SKAP2: variants seen among roughly 807,000 people sequenced by gnomAD.
SKAP2 encodes src kinase-associated phosphoprotein 2.
SKAP2 carries 28 observed loss-of-function variants against 54.9 expected under a neutral mutation model. The observed-to-expected ratio is 0.51, with a 90% CI of 0.38 to 0.70. The LOEUF is 0.70. Ranked by LOEUF, SKAP2 falls within the 30% of genes least tolerant of loss-of-function variation. The pLI is 0.00. For synonymous variants in SKAP2, 137 were observed against 134.3 expected, an observed-to-expected ratio of 1.02 and a Z score of -0.14; for missense variants, 356 against 424.1, an observed-to-expected ratio of 0.84 and a Z score of 1.41.
chr7:26,767,044 T>C (rs551231387), intron 4 of SKAP2, among the ~76,000 whole-genome samples: 1 of 152,232 alleles, frequency 6.6e-6, no homozygotes, highest in Non-Finnish European at 1.5e-5. Flanking sequence ...GAAGGAATAG[T>C]ACCAGCTCCT....
intron 4 of SKAP2, among the ~76,000 whole-genome samples, chr7:26,828,676 C>CA (rs61268985): frequency 0.27 from 26,865 of 99,744 alleles, 2,809 homozygotes; most frequent in Admixed American, 0.29. Flanking sequence ...GACTCTGTCT[C>CA]AAAAAAAAAA....
intron 9 of SKAP2, among the ~76,000 whole-genome samples, chr7:26,719,328 G>A (rs760605001): frequency 2.0e-5 from 3 of 152,252 alleles, no homozygotes; most frequent in East Asian, 1.9e-4. Flanking sequence ...AAGACTTCCC[G>A]TCTAACTCCA....
At chr7:26,782,397 C>G (rs373451087) in intron 4 of SKAP2, among the ~76,000 whole-genome samples, 1 of 152,124 alleles carries the variant, frequency 6.6e-6, no homozygotes, top group Non-Finnish European at 1.5e-5. Flanking sequence ...TTTGTTTTTA[C>G]CTTTAAAAAG....
At chr7:26,857,623 C>T in intron 1 of SKAP2, 1 of 985,418 alleles carries the variant, frequency 1.0e-6, no homozygotes, top group Non-Finnish European at 1.2e-6. Flanking sequence ...CCAGCTCTGC[C>T]CTCTGAGAAA....
chr7:26,738,838 A>G lies in SKAP2; in HGVS notation c.426T>C (p.Cys142=), dbSNP rs1292406983. 6.2e-7 allele frequency: 1 copy of G among 1,608,754 alleles called. No homozygotes were observed. Among genetic ancestry groups the G allele is most frequent in the Non-Finnish European group, 8.5e-7 (1 of 1,175,390 alleles). Residue 142 remains cysteine, a synonymous_variant, in exon 6 of 13, where the codon TGT becomes TGC. Transcript: ENST00000345317. The part of the protein sequence containing the change: ...FLGFEWQKRW[C]ALSKTVFYYY... ...AATAGAATACCGTTTTACTGAGAGC[A>G]CACCACCGTTTCTGCCATTCAAATC...
At chr7:26,851,255 CAAA>C (rs35007326) in intron 3 of SKAP2, among the ~76,000 whole-genome samples, 149 of 99,324 alleles carry the variant, frequency 1.5e-3, no homozygotes, top group African/African-American at 2.4e-3. Flanking sequence ...CCGTTTTTAC[CAAA>C]AAAAAAAAAA....
chr7:26,685,515 C>G (rs1413436435), intron 10 of SKAP2, among the ~76,000 whole-genome samples: 2 of 152,114 alleles, frequency 1.3e-5, no homozygotes, highest in Non-Finnish European at 2.9e-5. Context: ...CTGCATTTTT[C>G]AACCGATTTT....
rs143331888 is a variant in SKAP2, at chr7:26,712,899, C to A, written c.796+12529G>T. On this transcript the variant is annotated intron_variant, in intron 9 of 12. Coordinates refer to ENST00000345317, the MANE Select transcript of SKAP2 (RefSeq NM_003930.5). ...TAAAGAGAAAAAGGTCTCTTCCAAT[C>A]CAAATTGTTCATCTCATAAACAGCA... Among the ~76,000 whole-genome samples the A allele has an allele frequency of 4.7e-3, 711 of 152,284 alleles. 6 individuals carry two copies. Among genetic ancestry groups the A allele is most frequent in the African/African-American group, 0.016 (671 of 41,558 alleles).
intron 9 of SKAP2, among the ~76,000 whole-genome samples, chr7:26,695,162 C>T (rs1048602934): frequency 2.4e-4 from 37 of 152,284 alleles, no homozygotes; most frequent in African/African-American, 8.7e-4. Context: ...TAATGATCAC[C>T]TTTCTCACTA....
chr7:26,857,505 A>G, intron 1 of SKAP2: 1 of 985,320 alleles, frequency 1.0e-6, no homozygotes, highest in Non-Finnish European at 1.2e-6. Flanking sequence ...GGAGACTCCT[A>G]GACGTGCCGG....
chr7:26,831,578 T>C (rs908401199), intron 4 of SKAP2, among the ~76,000 whole-genome samples: 2 of 152,174 alleles, frequency 1.3e-5, no homozygotes, highest in African/African-American at 4.8e-5. Context: ...ATTTAATATG[T>C]CTTTACTATG....
At chr7:26,759,059 T>C (rs919539819) in intron 4 of SKAP2, among the ~76,000 whole-genome samples, 2 of 152,236 alleles carry the variant, frequency 1.3e-5, no homozygotes, top group Non-Finnish European at 2.9e-5. Flanking sequence ...TCAACTTAAA[T>C]GTCTTCAAAC....
At chr7:26,847,970 A>AAG (rs1784959676) in intron 3 of SKAP2, 3 of 152,246 alleles carry the variant, frequency 2.0e-5, no homozygotes, top group African/African-American at 7.2e-5. Flanking sequence ...AGTTAACAGA[A>AAG]TAAAAGACAA....
At chr7:26,740,447 T>C (rs1782414637) in intron 4 of SKAP2, among the ~76,000 whole-genome samples, 1 of 152,168 alleles carries the variant, frequency 6.6e-6, no homozygotes, top group South Asian at 2.1e-4. Context: ...ATTCTCTGTG[T>C]TTGTATTCAG....
intron 4 of SKAP2, among the ~76,000 whole-genome samples, chr7:26,781,923 T>C (rs1352317313): frequency 3.9e-5 from 6 of 152,230 alleles, no homozygotes; most frequent in Non-Finnish European, 8.8e-5. Flanking sequence ...CAAGGAAGCC[T>C]TCCCTGACCT....
At chr7:26,839,773 C>CA (rs533749999) in intron 4 of SKAP2, among the ~76,000 whole-genome samples, 12 of 151,862 alleles carry the variant, frequency 7.9e-5, no homozygotes, top group East Asian at 1.9e-4. Flanking sequence ...TAATTTTACA[C>CA]AAAAAAAGTC....
At chr7:26,757,919 G>A (rs1401911197) in intron 4 of SKAP2, among the ~76,000 whole-genome samples, 4 of 152,094 alleles carry the variant, frequency 2.6e-5, no homozygotes, top group Admixed American at 6.6e-5. Context: ...GTGCCACCAC[G>A]CCTGGCTAAT....
chr7:26,848,671 C>T (rs980246516), intron 3 of SKAP2, among the ~76,000 whole-genome samples: 6 of 152,136 alleles, frequency 3.9e-5, no homozygotes, highest in Non-Finnish European at 7.4e-5. Flanking sequence ...GGAAAAATTA[C>T]TCTAATGAAA....
intron 4 of SKAP2, among the ~76,000 whole-genome samples, chr7:26,762,609 G>A (rs1782957870): frequency 6.6e-6 from 1 of 151,862 alleles, no homozygotes; most frequent in Non-Finnish European, 1.5e-5. Context: ...AGGCTGAGGC[G>A]GGCAGATCAC....
Sources: allele counts gnomAD v4.1 joint callset (sites outside exome capture counted in the v4.1 genomes callset), GRCh38; gene constraint gnomAD v4.1.1; transcripts MANE v1.5; gene names NCBI Gene and HGNC (gene_info 2026-07-23, HGNC 2026-07-21).